Variants in SRPK2 observed in about 807,000 individuals in gnomAD.
SRPK2 encodes the protein SRSF protein kinase 2.
A neutral mutation model predicts 90.8 loss-of-function variants in SRPK2; 21 were observed. The observed-to-expected ratio is 0.23, with a 90% CI of 0.16 to 0.33. SRPK2 has a LOEUF of 0.33. SRPK2 is among the 10% of genes least tolerant of loss of function. The pLI is 1.00. For missense variants in SRPK2, 620 were observed against 869.0 expected (o/e 0.71, Z 3.60); for synonymous variants, 288 against 311.1 (o/e 0.93, Z 0.78).
rs559153563 is a variant in SRPK2 at position 105,203,958 on chromosome 7, A to AT, written c.72-174dup. 8.8e-5 allele frequency among the ~76,000 whole-genome samples: 9 copies of AT among 102,466 alleles called. No individual in the cohort carries two copies. In the South Asian group the frequency reaches 3.0e-3, roughly 35 times the overall value. The allele number at this position is 102,466 out of a possible 152,430, so 67.2% of individuals were successfully genotyped here. A position where few individuals can be genotyped will look rare whatever the true frequency, so the allele number is the denominator to read the frequency against. ...TTGAATTCAAGTAGTGTTTCAACATATAAGTCAGGCCAAAAAAAAAAAAAA... is the reference window on the plus strand; with the variant it reads ...TTGAATTCAAGTAGTGTTTCAACATATTAAGTCAGGCCAAAAAAAAAAAAAA... On this transcript the variant is annotated intron_variant, in intron 2 of 15. Coordinates refer to ENST00000393651, the MANE Select transcript of SRPK2 (RefSeq NM_182692.3).
intron 2 of SRPK2, among the ~76,000 whole-genome samples, chr7:105,330,722 G>A (rs979446115): frequency 6.6e-5 from 10 of 152,174 alleles, no homozygotes; most frequent in African/African-American, 9.7e-5. Context: ...GCTCCTGCCT[G>A]TAATCTAGGT....
chr7:105,286,614 T>C (rs1808140027), intron 2 of SRPK2, among the ~76,000 whole-genome samples: 1 of 152,196 alleles, frequency 6.6e-6, no homozygotes, highest in Non-Finnish European at 1.5e-5. Flanking sequence ...CTGGGGGTGG[T>C]AACACCTAAA....
At chr7:105,239,859 C>T (rs1800588802) in intron 2 of SRPK2, among the ~76,000 whole-genome samples, 1 of 152,194 alleles carries the variant, frequency 6.6e-6, no homozygotes, top group Non-Finnish European at 1.5e-5. Context: ...ATTTGGCTTC[C>T]TGCCTTTCTC....
At chr7:105,297,516 C>T (rs1809974100) in intron 2 of SRPK2, 2 of 985,216 alleles carry the variant, frequency 2.0e-6, no homozygotes, top group Non-Finnish European at 1.2e-6. Flanking sequence ...TACAGCCCAT[C>T]GCCTTGGTTG....
intron 2 of SRPK2, among the ~76,000 whole-genome samples, chr7:105,368,939 C>A (rs1295309569): frequency 1.3e-5 from 2 of 148,388 alleles, no homozygotes; most frequent in Non-Finnish European, 1.5e-5. Flanking sequence ...ATTTTTCCCT[C>A]AGTGAAAACA....
intron 2 of SRPK2, among the ~76,000 whole-genome samples, chr7:105,357,088 T>C (rs1012868375): frequency 1.3e-5 from 2 of 151,494 alleles, no homozygotes; most frequent in Admixed American, 1.3e-4. Context: ...CAGGCTGGAG[T>C]GCAGTGGTGC....
intron 2 of SRPK2, among the ~76,000 whole-genome samples, chr7:105,346,646 C>G (rs191199282): frequency 7.9e-5 from 12 of 151,856 alleles, no homozygotes; most frequent in African/African-American, 2.7e-4. Flanking sequence ...CCCAGCTACT[C>G]GGAAGGCTGA....
At chr7:105,197,705 G>C (rs534537603) in intron 3 of SRPK2, among the ~76,000 whole-genome samples, 1 of 152,314 alleles carries the variant, frequency 6.6e-6, no homozygotes, top group South Asian at 2.1e-4. Flanking sequence ...ACTATGATAA[G>C]TTGGGGATGC....
upstream of SRPK2, among the ~76,000 whole-genome samples, chr7:105,391,941 G>A (rs981750202): frequency 5.3e-5 from 8 of 152,098 alleles, no homozygotes; most frequent in African/African-American, 1.7e-4. Flanking sequence ...CCAAAAGGTG[G>A]AAAAAACCTA....
intron 1 of SRPK2, among the ~76,000 whole-genome samples, chr7:105,397,276 A>C (rs1430157736): frequency 6.6e-6 from 1 of 151,372 alleles, no homozygotes; most frequent in Non-Finnish European, 1.5e-5. Context: ...TCGGCCTACG[A>C]AAGTGCTGGG....
At chr7:105,239,130 C>T (rs1206206246) in intron 2 of SRPK2, among the ~76,000 whole-genome samples, 1 of 152,190 alleles carries the variant, frequency 6.6e-6, no homozygotes, top group Non-Finnish European at 1.5e-5. Flanking sequence ...AGTCCAGCCT[C>T]CTGATTAGGA....
intron 2 of SRPK2, among the ~76,000 whole-genome samples, chr7:105,225,053 G>A (rs1431965096): frequency 2.0e-5 from 3 of 152,128 alleles, no homozygotes; most frequent in South Asian, 2.1e-4. Context: ...TAAGCCAGGC[G>A]CAGTGGCACA....
Position 105,388,706 on chromosome 7 carries a change from G to C in SRPK2, c.17-4C>G, listed in dbSNP as rs1252297626. ...TTTCGGGCCTGAATGGCCAGCACTGGGGAAGAGAAGACACACATTAACGGT... is the reference window on the plus strand; with the variant it reads ...TTTCGGGCCTGAATGGCCAGCACTGCGGAAGAGAAGACACACATTAACGGT... On this transcript the variant is annotated splice_polypyrimidine_tract_variant and splice_region_variant and intron_variant, in intron 1 of 15. Coordinates refer to ENST00000393651, the MANE Select transcript of SRPK2 (RefSeq NM_182692.3). 1.3e-6 allele frequency: 2 copies of C among 1,580,730 alleles called. No homozygotes were observed. Among genetic ancestry groups the C allele is most frequent in the African/African-American group, 1.4e-5 (1 of 72,070 alleles).
Position 105,295,580 on chromosome 7 carries a change from T to C in SRPK2, c.72-91795A>G, listed in dbSNP as rs527887527. Among the ~76,000 whole-genome samples, 3 of 152,258 alleles carry C rather than the reference T, an allele frequency of 2.0e-5. No individual in the cohort carries two copies. The East Asian group carries it at 5.8e-4, about 29-fold the overall frequency. On this transcript the variant is annotated intron_variant, in intron 2 of 15. Transcript: ENST00000393651. ...TGGTAGCGAGAATAAGCAAATTTCA[T>C]TGACAAAAGGTAGAACAGTAGTTAC...
chr7:105,378,121 A>G (rs1361140514), intron 2 of SRPK2, among the ~76,000 whole-genome samples: 2 of 151,998 alleles, frequency 1.3e-5, no homozygotes, highest in Non-Finnish European at 2.9e-5. Flanking sequence ...TTCCAAGACT[A>G]CACGCCATTT....
intron 7 of SRPK2, among the ~76,000 whole-genome samples, chr7:105,147,728 C>T (rs1804872706): frequency 1.3e-5 from 2 of 152,222 alleles, no homozygotes; most frequent in Non-Finnish European, 2.9e-5. Context: ...TTAGCAACCA[C>T]TAATCTACTT....
chr7:105,303,989 GTTT>G lies in SRPK2; in HGVS notation c.71+84656_71+84658del, dbSNP rs1810878251. ...AAAATCGGTAGAGTTGACTTCAAAAGTTTTCATTACGACCTGAAAACATGAAAT... is the reference window on the plus strand; with the variant it reads ...AAAATCGGTAGAGTTGACTTCAAAAGTCATTACGACCTGAAAACATGAAAT... On this transcript the variant is annotated intron_variant, in intron 2 of 15. Transcript: ENST00000393651. 2.0e-5 allele frequency among the ~76,000 whole-genome samples: 3 copies of G among 152,162 alleles called. No individual in the cohort carries two copies. In the South Asian group the frequency reaches 6.2e-4, roughly 31 times the overall value.
chr7:105,317,769 G>A (rs1284960468), intron 2 of SRPK2, among the ~76,000 whole-genome samples: 1 of 151,994 alleles, frequency 6.6e-6, no homozygotes, highest in Admixed American at 6.6e-5. Context: ...ACCCCTTTTT[G>A]TTGCTGTTGT....
chr7:105,179,824 C>CAAAAAAAAAAAAAAAAAAAA lies in SRPK2; in HGVS notation c.230-10579_230-10560dup, dbSNP rs1185836588. ...TGGGCAACACAGTAAGAGTCCATCT[C>CAAAAAAAAAAAAAAAAAAAA]AAAAAAAAAAAAAAAAAAAAAAAAG... On this transcript the variant is annotated intron_variant, in intron 3 of 15. Coordinates refer to ENST00000393651, the MANE Select transcript of SRPK2 (RefSeq NM_182692.3). Among the ~76,000 whole-genome samples the CAAAAAAAAAAAAAAAAAAAA allele has an allele frequency of 3.3e-5, 2 of 60,272 alleles. 1 individual carries two copies. Among genetic ancestry groups the CAAAAAAAAAAAAAAAAAAAA allele is most frequent in the African/African-American group, 1.4e-4 (2 of 14,352 alleles). The allele number at this position is 60,272 out of a possible 152,430, so 39.5% of individuals were successfully genotyped here.
Sources: allele counts gnomAD v4.1 joint callset (sites outside exome capture counted in the v4.1 genomes callset), GRCh38; gene constraint gnomAD v4.1.1; transcripts MANE v1.5; gene names NCBI Gene and HGNC (gene_info 2026-07-23, HGNC 2026-07-21).